RHD: variants seen among roughly 807,000 people sequenced by gnomAD.
The protein encoded by RHD is Rh blood group D antigen, also known as blood group Rh(D) polypeptide.
RHD carries 16 observed loss-of-function variants against 45.5 expected under a neutral mutation model. The observed-to-expected ratio is 0.35, with a 90% CI of 0.24 to 0.53. The LOEUF (loss-of-function observed/expected upper bound fraction) is 0.53. Ranked by LOEUF, RHD falls within the 20% of genes least tolerant of loss-of-function variation. The probability of loss-of-function intolerance (pLI) is 0.92; values close to 1 mark genes in which losing one functional copy is unlikely to be tolerated. For synonymous variants in RHD, 131 were observed against 217.5 expected (o/e 0.60, Z 3.50); for missense variants, 306 against 532.0 (o/e 0.58, Z 4.18).
rs1407498613 is a variant in RHD at position 25,301,375 on chromosome 1, C to T, written c.635-145C>T. The T allele has an allele frequency of 4.5e-5, 37 of 827,898 alleles. 6 individuals carry two copies. Among genetic ancestry groups the T allele is most frequent in the Middle Eastern group, 3.5e-4 (1 of 2,884 alleles). 51.3% of individuals were successfully genotyped at this position (827,898 alleles called of 1,614,324 possible). A position where few individuals can be genotyped will look rare whatever the true frequency, so the allele number is the denominator to read the frequency against. ...GTTAGCTGGTATCAGCTTGAGAGCT[C>T]GGAGGGGAGACGTGACTTCCCCATC... On this transcript the variant is annotated intron_variant, in intron 4 of 9. Coordinates refer to ENST00000328664, the MANE Select transcript of RHD (RefSeq NM_016124.6).
rs1207026181 is a variant in RHD at position 25,306,497 on chromosome 1, C to T, written c.940-99C>T. 3.0e-5 allele frequency: 34 copies of T among 1,126,040 alleles called. 9 individuals carry two copies. Among genetic ancestry groups the T allele is most frequent in the Non-Finnish European group, 4.4e-5 (33 of 754,732 alleles). The allele number at this position is 1,126,040 out of a possible 1,614,324, so 69.8% of individuals were successfully genotyped here. A position where few individuals can be genotyped will look rare whatever the true frequency, so the allele number is the denominator to read the frequency against. Reference sequence around the variant, plus strand: ...CTTTGAGGTGAGCCTTAGTGCCCATCCCCCTTTGGTGGCCCCGGATACCAA... The same window carrying T: ...CTTTGAGGTGAGCCTTAGTGCCCATTCCCCTTTGGTGGCCCCGGATACCAA... On this transcript the variant is annotated intron_variant, in intron 6 of 9. Transcript: ENST00000328664.
At chr1:25,287,871 T>C (rs184907690) in intron 2 of RHD, among the ~76,000 whole-genome samples, 2,794 of 122,148 alleles carry the variant, frequency 0.023, 434 homozygotes, top group African/African-American at 0.068. Context: ...TACAGGCGCC[T>C]GCTACCATGC....
intron 1 of RHD, among the ~76,000 whole-genome samples, chr1:25,276,607 A>T (rs1641020078): frequency 8.0e-6 from 1 of 125,260 alleles, no homozygotes; most frequent in Admixed American, 7.8e-5. Flanking sequence ...CCAGCTACTC[A>T]GTAGGCTGAG....
intron 2 of RHD, among the ~76,000 whole-genome samples, chr1:25,288,291 T>C (rs1642217475): frequency 7.8e-6 from 1 of 128,602 alleles, no homozygotes; most frequent in African/African-American, 2.6e-5. Flanking sequence ...GTACTGGAAT[T>C]ACAGCCTCCT....
chr1:25,304,868 A>G (rs1219785023), intron 6 of RHD: 1 of 132,100 alleles, frequency 7.6e-6, no homozygotes, highest in African/African-American at 2.6e-5. Flanking sequence ...ATAGCAAGTT[A>G]TCATCAGTCT....
Position 25,303,141 on chromosome 1 carries a change from G to T in RHD, c.802-181G>T, listed in dbSNP as rs1372670508. On this transcript the variant is annotated intron_variant, in intron 5 of 9. Transcript: ENST00000328664. Reference sequence around the variant, plus strand: ...TGAGCCTAAGAGGCAGTAGTGAGCTGGCCCATCATGTCCACTGATGAAGGA... The same window carrying T: ...TGAGCCTAAGAGGCAGTAGTGAGCTTGCCCATCATGTCCACTGATGAAGGA... Among the ~76,000 whole-genome samples, 3 of 131,728 alleles carry T rather than the reference G, an allele frequency of 2.3e-5. 1 individual carries two copies. The highest frequency in any genetic ancestry group is 7.8e-5 in the African/African-American group (3 of 38,414). 86.4% of individuals were successfully genotyped at this position (131,728 alleles called of 152,430 possible).
chr1:25,306,460 T>G, intron 6 of RHD, 136 bp from the exon 7 acceptor site: 1 of 869,110 alleles, frequency 1.2e-6, no homozygotes, highest in Non-Finnish European at 1.9e-6. Flanking sequence ...CATTCAAGTC[T>G]GAGAAGGGCT....
At chr1:25,277,800 G>T (rs1160807206) in intron 1 of RHD, among the ~76,000 whole-genome samples, 1 of 121,262 alleles carries the variant, frequency 8.2e-6, no homozygotes. Context: ...TCAGCCTCCC[G>T]AGTAGCTGGG....
intron 3 of RHD, among the ~76,000 whole-genome samples, chr1:25,296,371 C>A (rs1240193858): frequency 1.6e-5 from 2 of 123,422 alleles, no homozygotes; most frequent in Admixed American, 1.6e-4. Flanking sequence ...CTCACCCTCC[C>A]GAGTAGCTGG....
At chr1:25,284,809 C>T in intron 2 of RHD, 50 bp downstream of exon 2, 1 of 1,343,542 alleles carries the variant, frequency 7.4e-7, no homozygotes, top group South Asian at 1.2e-5. Flanking sequence ...GGAATGGACC[C>T]CGAAAGGACA....
In RHD at chr1:25,306,444, A is replaced by C. The variant is rs1643842321; in HGVS notation, c.940-152A>C. 40 of 729,588 alleles carry C rather than the reference A, an allele frequency of 5.5e-5. 1 individual carries two copies. The highest frequency in any genetic ancestry group is 8.7e-5 in the Non-Finnish European group (36 of 414,184). 45.2% of individuals were successfully genotyped at this position (729,588 alleles called of 1,614,324 possible). On this transcript the variant is annotated intron_variant, in intron 6 of 9. Coordinates refer to ENST00000328664, the MANE Select transcript of RHD (RefSeq NM_016124.6). ...TTTCAACAAACTCCCCGATGATGTG[A>C]GTGCACATTCAAGTCTGAGAAGGGC...
chr1:25,278,944 A>C (rs571994707), intron 1 of RHD, among the ~76,000 whole-genome samples: 4 of 129,360 alleles, frequency 3.1e-5, no homozygotes, highest in East Asian at 3.9e-4. Flanking sequence ...CAGTGGGAGC[A>C]CAGGGTGGAG....
chr1:25,318,449 G>C (rs1249254177), intron 8 of RHD, among the ~76,000 whole-genome samples: 1 of 130,454 alleles, frequency 7.7e-6, no homozygotes, highest in African/African-American at 2.6e-5. Flanking sequence ...TTAGCCAGGC[G>C]TGGTGGCGTG....
chr1:25,291,407 T>C (rs1642495216), intron 3 of RHD, among the ~76,000 whole-genome samples: 1 of 131,822 alleles, frequency 7.6e-6, no homozygotes, highest in African/African-American at 2.6e-5. Context: ...AGGTGGAGGT[T>C]GCAGTGAACC....
chr1:25,303,561 G>C, intron 6 of RHD, 102 bp downstream of exon 6: 5 of 1,169,204 alleles, frequency 4.3e-6, no homozygotes, highest in Non-Finnish European at 6.3e-6. Flanking sequence ...TTAGGCAGGT[G>C]TCGGCGCATT....
intron 2 of RHD, among the ~76,000 whole-genome samples, chr1:25,286,875 C>CTGAG: frequency 7.5e-6 from 1 of 134,056 alleles, no homozygotes; most frequent in South Asian, 2.2e-4. Flanking sequence ...GGTGGATTAC[C>CTGAG]TGAGGTCAGG....
chr1:25,277,893 C>T lies in RHD; in HGVS notation c.148+5198C>T, dbSNP rs757968840. On this transcript the variant is annotated intron_variant, in intron 1 of 9. Transcript: ENST00000328664. The stretch of plus-strand genomic sequence containing the variant: ...TTCTCCATGTTGGTGAGGCTGGTCT[C>T]GAACTCCCAACCTCAGGTGATGCAC... Among the ~76,000 whole-genome samples, 85 of 132,596 alleles carry T rather than the reference C, an allele frequency of 6.4e-4. 27 individuals are homozygous for T. The highest frequency in any genetic ancestry group is 1.2e-3 in the Non-Finnish European group (65 of 55,796). 87.0% of individuals were successfully genotyped at this position (132,596 alleles called of 152,430 possible).
intron 3 of RHD, among the ~76,000 whole-genome samples, chr1:25,296,834 G>T (rs1262566085): frequency 1.6e-5 from 2 of 125,968 alleles, no homozygotes; most frequent in Non-Finnish European, 3.8e-5. Context: ...AGGCCTCCCC[G>T]GCCATGCCAA....
chr1:25,292,576 G>A lies in RHD; in HGVS notation c.486+1785G>A, dbSNP rs954584308. 4.6e-5 allele frequency among the ~76,000 whole-genome samples: 6 copies of A among 130,690 alleles called. 2 individuals carry two copies. Among genetic ancestry groups the A allele is most frequent in the Non-Finnish European group, 7.2e-5 (4 of 55,214 alleles). 85.7% of individuals were successfully genotyped at this position (130,690 alleles called of 152,430 possible). On this transcript the variant is annotated intron_variant, in intron 3 of 9. Coordinates refer to ENST00000328664, the MANE Select transcript of RHD (RefSeq NM_016124.6). The stretch of plus-strand genomic sequence containing the variant: ...GGTGCCATTTACTGAGATGGGGAAT[G>A]TTGGGGTGGGATAGATCTGGGAGGG...
Sources: allele counts gnomAD v4.1 joint callset (sites outside exome capture counted in the v4.1 genomes callset), GRCh38; gene constraint gnomAD v4.1.1; transcripts MANE v1.5; gene names NCBI Gene and HGNC (gene_info 2026-07-23, HGNC 2026-07-21).